The following ADCY2 variants were observed in gnomAD, a reference collection of about 807,000 sequenced individuals.
The protein encoded by ADCY2 is adenylate cyclase type 2.
ADCY2 carries 31 observed loss-of-function variants against 125.2 expected under a neutral mutation model. That is an observed-to-expected ratio of 0.25 (90% CI 0.19 to 0.33). The LOEUF (loss-of-function observed/expected upper bound fraction) is 0.33. Ranked by LOEUF, ADCY2 falls within the 10% of genes least tolerant of loss-of-function variation. The pLI, the probability that ADCY2 is intolerant of heterozygous loss-of-function variation, is 1.00. For missense variants in ADCY2, 904 were observed against 1,418.2 expected (o/e 0.64, Z 5.82); for synonymous variants, 512 against 548.4 (o/e 0.93, Z 0.93).
chr5:7,769,081 G>C (rs994325895), intron 17 of ADCY2, among the ~76,000 whole-genome samples: 17 of 152,108 alleles, frequency 1.1e-4, no homozygotes, highest in Non-Finnish European at 1.9e-4. Flanking sequence ...CACTGCTGGT[G>C]GTGGTATAAA....
chr5:7,640,382 C>G (rs1471471637), intron 4 of ADCY2, among the ~76,000 whole-genome samples: 1 of 152,044 alleles, frequency 6.6e-6, no homozygotes, highest in Non-Finnish European at 1.5e-5. Flanking sequence ...GAGTGGGCCT[C>G]TTGAAAAGAT....
rs753380336 is a variant in ADCY2, at chr5:7,695,800, CT to C, written c.919del (p.Ser307ProfsTer5). The C allele has an allele frequency of 6.2e-7, 1 of 1,613,136 alleles. No homozygotes were observed. Among genetic ancestry groups the C allele is most frequent in the Non-Finnish European group, 8.5e-7 (1 of 1,179,474 alleles). On this transcript the variant is annotated frameshift_variant, in exon 6 of 25. Transcript: ENST00000338316. LOFTEE classifies it high-confidence loss of function. ...VGFTRLASDC[S>X]PGELVHMLNE... Reference sequence around the variant, plus strand: ...GCTTTACCCGGCTGGCAAGTGACTGCTCCCCGGGAGAACTAGTCCACATGCT... The same window carrying C: ...GCTTTACCCGGCTGGCAAGTGACTGCCCCCGGGAGAACTAGTCCACATGCT...
chr5:7,401,889 G>T (rs913442254), intron 1 of ADCY2, among the ~76,000 whole-genome samples: 2 of 152,186 alleles, frequency 1.3e-5, no homozygotes, highest in Non-Finnish European at 2.9e-5. Flanking sequence ...TGGATGTTGG[G>T]CATACTCCAC....
At chr5:7,612,322 G>A (rs568662799) in intron 3 of ADCY2, among the ~76,000 whole-genome samples, 1 of 152,354 alleles carries the variant, frequency 6.6e-6, no homozygotes, top group South Asian at 2.1e-4. Flanking sequence ...AGTCAAATAT[G>A]TGGCTTTTTG....
intron 22 of ADCY2, among the ~76,000 whole-genome samples, chr5:7,813,866 A>G (rs990892774): frequency 1.3e-5 from 2 of 152,236 alleles, no homozygotes; most frequent in African/African-American, 4.8e-5. Context: ...TCATTTCTCC[A>G]TGGCAAATAT....
chr5:7,768,770 C>A (rs1453908843), intron 17 of ADCY2, among the ~76,000 whole-genome samples: 2 of 152,210 alleles, frequency 1.3e-5, no homozygotes, highest in Non-Finnish European at 2.9e-5. Context: ...TCTCTCAAAT[C>A]TAGGTGGGAT....
chr5:7,473,388 C>G (rs1742410408), intron 2 of ADCY2, among the ~76,000 whole-genome samples: 1 of 151,960 alleles, frequency 6.6e-6, no homozygotes, highest in Non-Finnish European at 1.5e-5. Context: ...AGGTGCCAGG[C>G]TCTTTTGAAC....
intron 2 of ADCY2, among the ~76,000 whole-genome samples, chr5:7,458,132 A>G (rs1741771041): frequency 6.6e-6 from 1 of 152,182 alleles, no homozygotes; most frequent in Admixed American, 6.5e-5. Flanking sequence ...GACTTGAGTA[A>G]TGTATAGTAC....
chr5:7,433,368 T>G (rs963213636), intron 2 of ADCY2, among the ~76,000 whole-genome samples: 1 of 152,358 alleles, frequency 6.6e-6, no homozygotes, highest in East Asian at 1.9e-4. Context: ...TTTAAAAAAA[T>G]TCAGTCTCTC....
intron 3 of ADCY2, among the ~76,000 whole-genome samples, chr5:7,565,428 A>G (rs1372510607): frequency 6.6e-6 from 1 of 152,194 alleles, no homozygotes; most frequent in Non-Finnish European, 1.5e-5. Context: ...CCTTGGTTAT[A>G]ATAATTTTTA....
At chr5:7,485,086 C>G (rs1742874296) in intron 2 of ADCY2, among the ~76,000 whole-genome samples, 1 of 152,138 alleles carries the variant, frequency 6.6e-6, no homozygotes, top group African/African-American at 2.4e-5. Flanking sequence ...ACAAGGTCAC[C>G]AGTAACTTAC....
intron 4 of ADCY2, among the ~76,000 whole-genome samples, chr5:7,674,364 T>C (rs546596243): frequency 6.6e-6 from 1 of 152,178 alleles, no homozygotes; most frequent in Admixed American, 6.5e-5. Context: ...GAGGGAAGTA[T>C]TGGTGCGGGG....
At chr5:7,684,351 A>T (rs180893501) in intron 4 of ADCY2, among the ~76,000 whole-genome samples, 234 of 152,274 alleles carry the variant, frequency 1.5e-3, no homozygotes, top group African/African-American at 5.4e-3. Flanking sequence ...CTCTCATCTG[A>T]TGACCTCCAT....
intron 3 of ADCY2, among the ~76,000 whole-genome samples, chr5:7,585,982 A>G (rs900591658): frequency 1.3e-5 from 2 of 152,366 alleles, no homozygotes. Context: ...AAAACATGTA[A>G]TTATATGCAT....
chr5:7,611,445 A>G (rs1737569620), intron 3 of ADCY2, among the ~76,000 whole-genome samples: 1 of 152,290 alleles, frequency 6.6e-6, no homozygotes, highest in Non-Finnish European at 1.5e-5. Context: ...CTTGATTGTT[A>G]AACATCTAAT....
At position 7,670,403 on chromosome 5, in the gene ADCY2, T is replaced by A. The variant is rs545102039; in HGVS notation, c.721-20288T>A. 1.5e-4 allele frequency among the ~76,000 whole-genome samples: 23 copies of A among 152,354 alleles called. No homozygotes were observed. The South Asian group carries it at 4.4e-3, about 29-fold the overall frequency. On this transcript the variant is annotated intron_variant, in intron 4 of 24. Transcript: ENST00000338316. ...GAGTAGGTATTGTGTGTAAAATATT[T>A]GATCATTTAAAAAATGGTTATATTT...
rs190818807 is a variant in ADCY2, at chr5:7,478,641, A to C, written c.409-42097A>C. On this transcript the variant is annotated intron_variant, in intron 2 of 24. Coordinates refer to ENST00000338316, the MANE Select transcript of ADCY2 (RefSeq NM_020546.3). ...CTAATCTTTGAAAGCACACAAAGGC[A>C]CCTCTATTTGTACAGGATTACTAAA... is the stretch of plus-strand genomic sequence containing the variant. 2.0e-5 allele frequency among the ~76,000 whole-genome samples: 3 copies of C among 152,274 alleles called. No homozygotes were observed. The East Asian group carries it at 5.8e-4, about 29-fold the overall frequency.
intron 2 of ADCY2, among the ~76,000 whole-genome samples, chr5:7,512,236 A>G (rs1313289218): frequency 4.8e-5 from 7 of 145,790 alleles, no homozygotes; most frequent in Non-Finnish European, 7.6e-5. Context: ...AAAAAAAAAA[A>G]AAAAGAAAAC....
chr5:7,429,074 A>C (rs1036910325), intron 2 of ADCY2, among the ~76,000 whole-genome samples: 20 of 152,148 alleles, frequency 1.3e-4, no homozygotes, highest in Non-Finnish European at 2.5e-4. Flanking sequence ...CCAATTCATC[A>C]GCAGAGTACT....
Sources: gnomAD v4.1 joint callset for allele counts (sites outside exome capture counted in the v4.1 genomes callset) on GRCh38, gnomAD v4.1.1 for gene constraint, MANE v1.5 for transcripts, NCBI Gene and HGNC (gene_info 2026-07-23, HGNC 2026-07-21) for gene names.